The following TSPAN1 variants were observed in gnomAD, a reference collection of about 807,000 sequenced individuals.
TSPAN1 encodes tetraspanin 1, also known as tetraspanin-1.
A neutral mutation model predicts 26.9 loss-of-function variants in TSPAN1; 23 were observed. The observed-to-expected ratio is 0.85, with a 90% CI of 0.62 to 1.21. The LOEUF (loss-of-function observed/expected upper bound fraction) is 1.21, where lower values mean the gene tolerates loss of function less well. Ranked by LOEUF, TSPAN1 falls within the 50% of genes most tolerant of loss-of-function variation. The pLI is 0.00. For synonymous variants in TSPAN1, 115 were observed against 114.8 expected, an observed-to-expected ratio of 1.00 and a Z score of -0.01; for missense variants, 283 against 298.4, an observed-to-expected ratio of 0.95 and a Z score of 0.38.
chr1:46,189,806 G>C, downstream of TSPAN1: 1 of 1,611,812 alleles, frequency 6.2e-7, no homozygotes, highest in Non-Finnish European at 8.5e-7. Context: ...GGGGCAGTAT[G>C]TGTGTGAGGG....
At chr1:46,177,348 AATATATCT>A (rs1356313836) in intron 1 of TSPAN1, among the ~76,000 whole-genome samples, 1 of 100,034 alleles carries the variant, frequency 1.0e-5, no homozygotes, top group Admixed American at 1.1e-4. Flanking sequence ...AAAAAAAAAA[AATATATCT>A]ATCTATCTAT....
chr1:46,184,076 A>T (rs942106873), intron 3 of TSPAN1, 115 bp from the exon 4 acceptor site: 5 of 1,128,356 alleles, frequency 4.4e-6, no homozygotes, highest in Non-Finnish European at 5.3e-6. Flanking sequence ...GAGGTTTTAG[A>T]CTCCCTAGCC....
At chr1:46,190,831 C>T (rs1302823300), downstream of TSPAN1, 5 of 1,532,282 alleles carry the variant, frequency 3.3e-6, no homozygotes, top group African/African-American at 5.5e-5. Flanking sequence ...ATTGTCTGGC[C>T]CACACCCACT....
At chr1:46,194,653 T>C in the TSPAN1 span, 1 of 1,614,262 alleles carries the variant, frequency 6.2e-7, no homozygotes, top group Non-Finnish European at 8.5e-7. Flanking sequence ...AGACAGGACC[T>C]GGCAGGAGGC....
the TSPAN1 span, chr1:46,194,151 G>A: frequency 3.2e-6 from 5 of 1,582,052 alleles, no homozygotes; most frequent in Admixed American, 1.8e-5. Context: ...AGAGCGCAGT[G>A]TAAATCCTGC....
At chr1:46,192,262 G>A in the TSPAN1 span, 13 of 1,614,144 alleles carry the variant, frequency 8.1e-6, no homozygotes, top group East Asian at 6.7e-5. Flanking sequence ...AAGATGTTTC[G>A]AGTTGGTAGG....
rs71062743 is a variant in TSPAN1, at chr1:46,182,304, C to CAAAAAAAAAAAAAAAAA, written c.57+1153_57+1154insAAAAAAAAAAAAAAAAA. 9.3e-4 allele frequency among the ~76,000 whole-genome samples: 28 copies of CAAAAAAAAAAAAAAAAA among 30,158 alleles called. 9 individuals are homozygous for CAAAAAAAAAAAAAAAAA. The highest frequency in any genetic ancestry group is 1.6e-3 in the African/African-American group (16 of 10,146). 19.8% of individuals were successfully genotyped at this position (30,158 alleles called of 152,430 possible). A position where few individuals can be genotyped will look rare whatever the true frequency, so the allele number is the denominator to read the frequency against. The stretch of plus-strand genomic sequence containing the variant: ...GGAAACCCAATTTATTAGGGATAAG[C>CAAAAAAAAAAAAAAAAA]AAAAAAAAAAAAAGCCACTGTGAAG... On this transcript the variant is annotated intron_variant, in intron 3 of 8. Coordinates refer to ENST00000372003, the MANE Select transcript of TSPAN1 (RefSeq NM_005727.4).
chr1:46,190,472 C>G (rs752700398), downstream of TSPAN1: 1 of 1,595,528 alleles, frequency 6.3e-7, no homozygotes, highest in Non-Finnish European at 8.6e-7. Flanking sequence ...CTAGGCCATA[C>G]CTGAGCAGCC....
At chr1:46,192,486 T>A in the TSPAN1 span, 1 of 1,614,080 alleles carries the variant, frequency 6.2e-7, no homozygotes, top group South Asian at 1.1e-5. Context: ...CCTCATAAAC[T>A]CGCCTGCTAA....
chr1:46,194,650 A>G, the TSPAN1 span: 1 of 1,614,220 alleles, frequency 6.2e-7, no homozygotes, highest in Non-Finnish European at 8.5e-7. Flanking sequence ...CGAAGACAGG[A>G]CCTGGCAGGA....
At chr1:46,194,368 T>C in the TSPAN1 span, 1 of 1,614,166 alleles carries the variant, frequency 6.2e-7, no homozygotes, top group South Asian at 1.1e-5. Context: ...GCGGCGACGG[T>C]TCAGCTCTGT....
the TSPAN1 span, chr1:46,195,916 C>T: frequency 6.2e-7 from 1 of 1,614,128 alleles, no homozygotes; most frequent in Non-Finnish European, 8.5e-7. Context: ...GTTTTGCCAT[C>T]ACGTGGCCCT....
downstream of TSPAN1, chr1:46,190,474 T>A: frequency 6.3e-7 from 1 of 1,597,850 alleles, no homozygotes; most frequent in South Asian, 1.1e-5. Flanking sequence ...AGGCCATACC[T>A]GAGCAGCCTG....
At chr1:46,188,451 G>A (rs917358534), downstream of TSPAN1, among the ~76,000 whole-genome samples, 1 of 152,180 alleles carries the variant, frequency 6.6e-6, no homozygotes, top group Non-Finnish European at 1.5e-5. Context: ...GAGGTAGGGT[G>A]GCTGCTCCAA....
At chr1:46,192,271 G>C in the TSPAN1 span, 1 of 1,614,154 alleles carries the variant, frequency 6.2e-7, no homozygotes, top group Non-Finnish European at 8.5e-7. Flanking sequence ...CGAGTTGGTA[G>C]GGGACTCCAG....
At chr1:46,194,020 C>A in the TSPAN1 span, 1 of 1,576,526 alleles carries the variant, frequency 6.3e-7, no homozygotes, top group Non-Finnish European at 8.6e-7. Context: ...TAGGTGCAGA[C>A]TGGAGTAGAC....
At chr1:46,175,976 A>C (rs1044551222) in intron 1 of TSPAN1, 10 of 521,724 alleles carry the variant, frequency 1.9e-5, no homozygotes, top group Middle Eastern at 1.0e-3. Context: ...GGGTTCAAGC[A>C]ATTCTCCTGC....
intron 1 of TSPAN1, among the ~76,000 whole-genome samples, chr1:46,179,601 C>T (rs1327792968): frequency 2.6e-5 from 4 of 152,132 alleles, no homozygotes; most frequent in Admixed American, 6.6e-5. Flanking sequence ...ACTTTTCCCC[C>T]GCACCTCTAC....
intron 3 of TSPAN1, among the ~76,000 whole-genome samples, chr1:46,181,551 A>C (rs1657316048): frequency 6.6e-6 from 1 of 152,332 alleles, no homozygotes; most frequent in Non-Finnish European, 1.5e-5. Context: ...AGTACAGAGG[A>C]AATTCTTCTG....
Sources: gnomAD v4.1 joint callset for allele counts (sites outside exome capture counted in the v4.1 genomes callset) on GRCh38, gnomAD v4.1.1 for gene constraint, MANE v1.5 for transcripts, NCBI Gene and HGNC (gene_info 2026-07-23, HGNC 2026-07-21) for gene names.